The following SP140 variants were observed in gnomAD, a reference collection of about 807,000 sequenced individuals.
SP140 encodes the protein nuclear body protein SP140.
Under a neutral mutation model 125.0 loss-of-function variants are expected in SP140, and 81 were observed. The observed-to-expected ratio is 0.65, with a 90% CI of 0.54 to 0.78. The LOEUF (loss-of-function observed/expected upper bound fraction) is 0.78, where lower values mean the gene tolerates loss of function less well. Among genes scored for constraint, SP140 ranks in the 30% least tolerant of loss-of-function variants. The probability of loss-of-function intolerance (pLI) is 0.00; values close to 1 mark genes in which losing one functional copy is unlikely to be tolerated. For missense variants in SP140, 858 were observed against 1,037.0 expected, an observed-to-expected ratio of 0.83 and a Z score of 2.37; for synonymous variants, 312 against 354.0, an observed-to-expected ratio of 0.88 and a Z score of 1.33.
At chr2:230,221,889 A>C, upstream of SP140, 2 of 664,676 alleles carry the variant, frequency 3.0e-6, no homozygotes, top group East Asian at 2.7e-5. Context: ...TTACATGAAA[A>C]AAAGACAGCT....
chr2:230,272,923 C>T (rs190037802), intron 15 of SP140, among the ~76,000 whole-genome samples: 127 of 152,218 alleles, frequency 8.3e-4, no homozygotes, highest in African/African-American at 2.8e-3. Context: ...CCCTTCCTTA[C>T]ACCATATACA....
intron 22 of SP140, among the ~76,000 whole-genome samples, chr2:230,304,228 A>G (rs1489714960): frequency 6.6e-6 from 1 of 152,220 alleles, no homozygotes; most frequent in Non-Finnish European, 1.5e-5. Context: ...GGAAAACTAC[A>G]AAACACTGCT....
At chr2:230,311,704 A>C in intron 26 of SP140, 109 bp downstream of exon 26, 6 of 1,295,202 alleles carry the variant, frequency 4.6e-6, no homozygotes, top group Non-Finnish European at 6.5e-6. Flanking sequence ...TGCACGAGCA[A>C]GGGTTCTGGA....
intron 22 of SP140, among the ~76,000 whole-genome samples, chr2:230,305,404 C>T (rs187254335): frequency 3.2e-4 from 49 of 152,342 alleles, no homozygotes; most frequent in Non-Finnish European, 5.1e-4. Flanking sequence ...CCACTACTGA[C>T]GGCAGCGGCA....
chr2:230,316,094 C>A (rs2059481968), downstream of SP140, among the ~76,000 whole-genome samples: 1 of 152,182 alleles, frequency 6.6e-6, no homozygotes, highest in Non-Finnish European at 1.5e-5. Context: ...ACAATATAGC[C>A]TTTCTGGAAA....
At chr2:230,196,667 T>A in the SP140 span, among the ~76,000 whole-genome samples, 1 of 152,060 alleles carries the variant, frequency 6.6e-6, no homozygotes, top group African/African-American at 2.4e-5. Context: ...GCATTAGGTA[T>A]ATCTCCTAAT....
rs192713444 is a variant in SP140, at chr2:230,307,781, G to T, written c.2059-2143G>T. Among the ~76,000 whole-genome samples, 422 of 152,044 alleles carry T rather than the reference G, an allele frequency of 2.8e-3. 1 individual carries two copies. The highest frequency in any genetic ancestry group is 4.8e-3 in the Non-Finnish European group (324 of 67,936). Reference sequence around the variant, plus strand: ...CAGTAGCCTGAGCCAAGTGCAGCCTGCCAGGCCAAGTGGGTGGAAGGAGCC... The same window carrying T: ...CAGTAGCCTGAGCCAAGTGCAGCCTTCCAGGCCAAGTGGGTGGAAGGAGCC... On this transcript the variant is annotated intron_variant, in intron 22 of 26. Transcript: ENST00000392045.
At chr2:230,203,060 G>A (rs72982403), upstream of SP140, 48,313 of 370,048 alleles carry the variant, frequency 0.13, 3,873 homozygotes, top group South Asian at 0.26. Context: ...TCTCGTCTAG[G>A]TGGAGAGGAG....
chr2:230,219,970 A>G, intron 3 of SP140: 1 of 985,622 alleles, frequency 1.0e-6, no homozygotes, highest in Non-Finnish European at 1.2e-6. Context: ...CTAGCAGGCA[A>G]AACAGGAAGT....
At chr2:230,202,683 A>G (rs771371535), upstream of SP140, 4 of 1,613,916 alleles carry the variant, frequency 2.5e-6, no homozygotes, top group South Asian at 4.4e-5. Flanking sequence ...AACCTGATCC[A>G]CCCTTTTGAG....
intron 11 of SP140, among the ~76,000 whole-genome samples, chr2:230,254,148 G>A (rs2050789123): frequency 1.3e-5 from 2 of 152,198 alleles, no homozygotes. Flanking sequence ...TGACAACAAT[G>A]TTGGAAGGAA....
At chr2:230,313,240 A>T (rs1474815015), downstream of SP140, 1 of 152,784 alleles carries the variant, frequency 6.5e-6, no homozygotes, top group Non-Finnish European at 1.5e-5. Flanking sequence ...AATTTAATTC[A>T]TTCATAGCTC....
chr2:230,259,194 A>G (rs145605494), intron 12 of SP140, among the ~76,000 whole-genome samples: 1,821 of 152,198 alleles, frequency 0.012, 25 homozygotes, highest in African/African-American at 0.033. Flanking sequence ...TGGTGCACCC[A>G]TCACCTGAGC....
chr2:230,242,651 T>C (rs2048886346), intron 4 of SP140, among the ~76,000 whole-genome samples: 2 of 152,206 alleles, frequency 1.3e-5, no homozygotes, highest in Non-Finnish European at 2.9e-5. Context: ...CGAACTCCTC[T>C]GCAGCACTCT....
chr2:230,265,030 A>C lies in SP140; in HGVS notation c.1241-4502A>C, dbSNP rs1435051399. On this transcript the variant is annotated intron_variant, in intron 12 of 26. Transcript: ENST00000392045. ...GTGATGGGCCAGCCCTAGAATTCCTAAGGTTATATGCCCTTTGTCTTCAGC... is the reference window on the plus strand; with the variant it reads ...GTGATGGGCCAGCCCTAGAATTCCTCAGGTTATATGCCCTTTGTCTTCAGC... Among the ~76,000 whole-genome samples the C allele has an allele frequency of 2.0e-5, 3 of 151,644 alleles. No individual in the cohort carries two copies. In the East Asian group the frequency reaches 5.8e-4, roughly 29 times the overall value.
chr2:230,203,285 T>A (rs1481233403), intron 1 of SP140: 4 of 160,470 alleles, frequency 2.5e-5, no homozygotes, highest in African/African-American at 9.6e-5. Context: ...CAGAGGTGAG[T>A]TTGCTTCATT....
At chr2:230,213,159 C>T in intron 1 of SP140, 1 of 847,288 alleles carries the variant, frequency 1.2e-6, no homozygotes, top group South Asian at 1.4e-5. Context: ...GTGCAGAGAA[C>T]TGATTCATTG....
chr2:230,285,048 C>T (rs1379080059), intron 16 of SP140, among the ~76,000 whole-genome samples: 1 of 152,054 alleles, frequency 6.6e-6, no homozygotes, highest in Non-Finnish European at 1.5e-5. Context: ...CAAAAAGTAA[C>T]ATATGCAAAA....
chr2:230,291,418 T>G (rs1330581127), intron 19 of SP140, among the ~76,000 whole-genome samples: 1 of 152,218 alleles, frequency 6.6e-6, no homozygotes, highest in Non-Finnish European at 1.5e-5. Flanking sequence ...AAAGCCCATG[T>G]CAATTAGCAG....
Sources: allele counts gnomAD v4.1 joint callset (sites outside exome capture counted in the v4.1 genomes callset), GRCh38; gene constraint gnomAD v4.1.1; transcripts MANE v1.5; gene names NCBI Gene and HGNC (gene_info 2026-07-23, HGNC 2026-07-21).